The following LINC00305 variants were observed in gnomAD, a reference collection of about 807,000 sequenced individuals.
LINC00305 encodes the protein long independently transcribed non-coding RNA 305.
At chr18:64,141,604 C>T (rs1210157208) in intron 1 of LINC00305, among the ~76,000 whole-genome samples, 1 of 152,068 alleles carries the variant, frequency 6.6e-6, no homozygotes, top group African/African-American at 2.4e-5. Flanking sequence ...ATCTACCTCC[C>T]AAGAATGGTA....
At position 64,109,356 on chromosome 18, in the gene LINC00305, A is replaced by C. The variant is rs117470002; in HGVS notation, n.315-10716T>G. Among the ~76,000 whole-genome samples the C allele has an allele frequency of 8.6e-3, 1,304 of 152,316 alleles. 12 individuals carry two copies. Among genetic ancestry groups the C allele is most frequent in the South Asian group, 0.015 (71 of 4,824 alleles). The stretch of plus-strand genomic sequence containing the variant: ...AAAGGTTGGAGAAATTAAGTGGAAA[A>C]GACCATGATTCTTACTGATCAGGAC... On this transcript the variant is annotated intron_variant and non_coding_transcript_variant, in intron 1 of 3. Transcript: ENST00000666468.
At chr18:64,129,488 G>A (rs946028571) in intron 1 of LINC00305, among the ~76,000 whole-genome samples, 1 of 152,082 alleles carries the variant, frequency 6.6e-6, no homozygotes, top group African/African-American at 2.4e-5. Context: ...ATGCTTCACA[G>A]TGTTCTACTG....
rs561973260 is a variant in LINC00305 at position 64,113,695 on chromosome 18, C to A, written n.315-15055G>T. 2.0e-5 allele frequency among the ~76,000 whole-genome samples: 3 copies of A among 152,230 alleles called. No individual in the cohort carries two copies. In the South Asian group the frequency reaches 6.2e-4, roughly 32 times the overall value. On this transcript the variant is annotated intron_variant and non_coding_transcript_variant, in intron 1 of 3. Coordinates refer to ENST00000666468, the Ensembl canonical transcript of LINC00305. ...TGTTTCACCTGCAGGGAAAGGATGG[C>A]CAGTAATACTCAACCTCAGCAGTAG...
At chr18:64,147,695 C>T (rs1217076302) in intron 1 of LINC00305, among the ~76,000 whole-genome samples, 1 of 152,140 alleles carries the variant, frequency 6.6e-6, no homozygotes, top group Non-Finnish European at 1.5e-5. Context: ...CGCCCTTTCT[C>T]CCACATTGCA....
intron 1 of LINC00305, among the ~76,000 whole-genome samples, chr18:64,141,153 C>G (rs916923467): frequency 1.3e-5 from 2 of 151,258 alleles, no homozygotes; most frequent in South Asian, 2.1e-4. Flanking sequence ...CTTTAAGAAG[C>G]GACTCAACTG....
chr18:64,143,733 T>TA, intron 1 of LINC00305, among the ~76,000 whole-genome samples: 1 of 151,398 alleles, frequency 6.6e-6, no homozygotes, highest in African/African-American at 2.4e-5. Flanking sequence ...TACATGTATG[T>TA]CCACATATTA....
intron 1 of LINC00305, among the ~76,000 whole-genome samples, chr18:64,111,654 G>A (rs1001528279): frequency 1.3e-5 from 2 of 152,122 alleles, no homozygotes; most frequent in Non-Finnish European, 2.9e-5. Context: ...GCTGCCTGGA[G>A]GAGGCAAACC....
chr18:64,131,778 C>T (rs1215409358), intron 1 of LINC00305, among the ~76,000 whole-genome samples: 2 of 152,084 alleles, frequency 1.3e-5, no homozygotes, highest in East Asian at 1.9e-4. Context: ...CAGGCAAACC[C>T]GAGAACAAGT....
At chr18:64,108,652 G>A (rs1385118140) in intron 1 of LINC00305, among the ~76,000 whole-genome samples, 2 of 152,176 alleles carry the variant, frequency 1.3e-5, no homozygotes, top group Non-Finnish European at 1.5e-5. Context: ...ACCCTTATCT[G>A]TGCTTACATA....
At chr18:64,085,466 CTTT>C (rs112804959) in intron 3 of LINC00305, among the ~76,000 whole-genome samples, 1 of 144,958 alleles carries the variant, frequency 6.9e-6, no homozygotes, top group Non-Finnish European at 1.5e-5. Flanking sequence ...GTATTTGTCA[CTTT>C]TTTTTTTTTT....
chr18:64,113,021 G>A (rs924596919), intron 1 of LINC00305, among the ~76,000 whole-genome samples: 1 of 152,206 alleles, frequency 6.6e-6, no homozygotes, highest in Non-Finnish European at 1.5e-5. Flanking sequence ...AGTAAGAGGT[G>A]TTAAACAACT....
chr18:64,123,320 C>T (rs1454564862), intron 1 of LINC00305, among the ~76,000 whole-genome samples: 1 of 152,084 alleles, frequency 6.6e-6, no homozygotes, highest in Non-Finnish European at 1.5e-5. Context: ...GCCAAATATG[C>T]CACTCTACTT....
At chr18:64,143,001 T>C (rs981447497) in intron 1 of LINC00305, among the ~76,000 whole-genome samples, 2 of 152,026 alleles carry the variant, frequency 1.3e-5, no homozygotes, top group African/African-American at 4.8e-5. Context: ...AATAAAATCA[T>C]TGCATATTTT....
Position 64,104,453 on chromosome 18 carries a change from A to G in LINC00305, n.315-5813T>C, listed in dbSNP as rs1157025474. On this transcript the variant is annotated intron_variant and non_coding_transcript_variant, in intron 1 of 3. Coordinates refer to ENST00000666468, the Ensembl canonical transcript of LINC00305. ...CTGAAATGTAAGCATCCATAGAAAG[A>G]AGATTCCTCCTCCTGAGAACCCAAC... is the stretch of plus-strand genomic sequence containing the variant. 3.3e-5 allele frequency among the ~76,000 whole-genome samples: 5 copies of G among 152,202 alleles called. No homozygotes were observed. The East Asian group carries it at 9.6e-4, about 29-fold the overall frequency.
chr18:64,101,629 T>A (rs73962139), intron 1 of LINC00305, among the ~76,000 whole-genome samples: 1,639 of 152,302 alleles, frequency 0.011, 21 homozygotes, highest in African/African-American at 0.038. Context: ...GACTTCATTT[T>A]AACAGATTAC....
intron 1 of LINC00305, among the ~76,000 whole-genome samples, chr18:64,133,114 C>T (rs1376884076): frequency 6.6e-6 from 1 of 152,100 alleles, no homozygotes; most frequent in Non-Finnish European, 1.5e-5. Flanking sequence ...CCTGAGAAGC[C>T]TCAGAGGGAA....
intron 1 of LINC00305, among the ~76,000 whole-genome samples, chr18:64,145,504 C>T (rs1327923599): frequency 7.2e-5 from 11 of 152,164 alleles, no homozygotes; most frequent in African/African-American, 1.7e-4. Context: ...CTCAACCTGC[C>T]GATCTGCCTG....
chr18:64,103,908 C>G (rs566527479), intron 1 of LINC00305, among the ~76,000 whole-genome samples: 3 of 152,272 alleles, frequency 2.0e-5, no homozygotes, highest in African/African-American at 7.2e-5. Flanking sequence ...GTTACAGGCA[C>G]AGAAAGCACT....
At chr18:64,113,408 A>G (rs1222246161) in intron 1 of LINC00305, among the ~76,000 whole-genome samples, 1 of 152,216 alleles carries the variant, frequency 6.6e-6, no homozygotes, top group Admixed American at 6.5e-5. Context: ...AGAGCTATAA[A>G]TTATTTAATT....
Sources: gnomAD v4.1 joint callset for allele counts (sites outside exome capture counted in the v4.1 genomes callset) on GRCh38, gnomAD v4.1.1 for gene constraint, MANE v1.5 for transcripts, NCBI Gene and HGNC (gene_info 2026-07-23, HGNC 2026-07-21) for gene names.